The following ELK3 variants were observed in gnomAD, a reference collection of about 807,000 sequenced individuals.
ELK3 encodes the protein ETS domain-containing protein Elk-3.
A neutral mutation model predicts 28.9 loss-of-function variants in ELK3; 10 were observed. That is an observed-to-expected ratio of 0.35 (90% CI 0.21 to 0.59). The LOEUF (loss-of-function observed/expected upper bound fraction) is 0.59, where lower values mean the gene tolerates loss of function less well. Ranked by LOEUF, ELK3 falls within the 20% of genes least tolerant of loss-of-function variation. The probability of loss-of-function intolerance (pLI) is 0.82; values close to 1 mark genes in which losing one functional copy is unlikely to be tolerated. For synonymous variants in ELK3, 272 were observed against 243.5 expected (o/e 1.12, Z -1.09); for missense variants, 463 against 517.3 (o/e 0.90, Z 1.02).
chr12:96,243,183 C>G (rs1951833024), intron 2 of ELK3, among the ~76,000 whole-genome samples: 1 of 152,182 alleles, frequency 6.6e-6, no homozygotes, highest in African/African-American at 2.4e-5. Flanking sequence ...AATTCACATA[C>G]CATACAATTC....
chr12:96,203,093 G>A (rs903635761), intron 1 of ELK3, among the ~76,000 whole-genome samples: 7 of 151,890 alleles, frequency 4.6e-5, no homozygotes, highest in African/African-American at 1.7e-4. Flanking sequence ...ATGCTGGCCA[G>A]GCTGGTCTCG....
intron 3 of ELK3, among the ~76,000 whole-genome samples, chr12:96,258,143 G>T (rs1377093533): frequency 2.6e-5 from 4 of 152,216 alleles, no homozygotes; most frequent in African/African-American, 9.7e-5. Flanking sequence ...TACCTGGCTG[G>T]GAAGTAGTGG....
At chr12:96,250,151 C>T (rs914215577) in intron 3 of ELK3, among the ~76,000 whole-genome samples, 1 of 152,176 alleles carries the variant, frequency 6.6e-6, no homozygotes, top group East Asian at 1.9e-4. Flanking sequence ...CTAAACCACG[C>T]AAAACTAAGG....
At chr12:96,218,559 G>A (rs1349052697) in intron 1 of ELK3, among the ~76,000 whole-genome samples, 1 of 151,736 alleles carries the variant, frequency 6.6e-6, no homozygotes, top group Non-Finnish European at 1.5e-5. Flanking sequence ...CCCAATCCCC[G>A]CCATTATGCA....
At chr12:96,211,368 G>A (rs1375785584) in intron 1 of ELK3, among the ~76,000 whole-genome samples, 3 of 152,052 alleles carry the variant, frequency 2.0e-5, no homozygotes, top group African/African-American at 7.2e-5. Context: ...TATAAATCCT[G>A]GTGAAATTAT....
intron 2 of ELK3, among the ~76,000 whole-genome samples, chr12:96,246,610 A>G (rs954195218): frequency 6.6e-6 from 1 of 152,188 alleles, no homozygotes; most frequent in African/African-American, 2.4e-5. Flanking sequence ...GCAGTGAGCC[A>G]TGTTCGTGCC....
rs1555193134 is a variant in ELK3, at chr12:96,211,487, T to TGTGTGTG, written c.-2-12078_-2-12077insGTGTGTG. On this transcript the variant is annotated intron_variant, in intron 1 of 4. Coordinates refer to ENST00000228741, the MANE Select transcript of ELK3 (RefSeq NM_005230.4). ...CTGCCCTGGGGATGTCATTGTGTGT[T>TGTGTGTG]TGTGTGTGTGTGTGTGTGTGTGTGT... Among the ~76,000 whole-genome samples the TGTGTGTG allele has an allele frequency of 4.8e-3, 261 of 54,494 alleles. 1 individual carries two copies. The highest frequency in any genetic ancestry group is 0.011 in the Middle Eastern group (1 of 90). 35.8% of individuals were successfully genotyped at this position (54,494 alleles called of 152,430 possible). A position where few individuals can be genotyped will look rare whatever the true frequency, so the allele number is the denominator to read the frequency against.
At chr12:96,216,298 A>AG (rs1388392526) in intron 1 of ELK3, among the ~76,000 whole-genome samples, 2 of 152,220 alleles carry the variant, frequency 1.3e-5, no homozygotes, top group African/African-American at 4.8e-5. Context: ...AGAGAGCCCC[A>AG]GGGACCCTCT....
At position 96,251,777 on chromosome 12, in the gene ELK3, G is replaced by A. The variant is rs1951908834; in HGVS notation, c.1002+4043G>A. On this transcript the variant is annotated intron_variant, in intron 3 of 4. Transcript: ENST00000228741. ...GAATGCTGAGAGAGGCGAAGAAGCT[G>A]CAGAAGAAAAGTGTGAAGCTAGCAG... Among the ~76,000 whole-genome samples, 3 of 152,226 alleles carry A rather than the reference G, an allele frequency of 2.0e-5. No homozygotes were observed. In the South Asian group the frequency reaches 6.2e-4, roughly 31 times the overall value.
chr12:96,236,618 G>A (rs1010355734), intron 2 of ELK3, among the ~76,000 whole-genome samples: 1 of 152,138 alleles, frequency 6.6e-6, no homozygotes, highest in African/African-American at 2.4e-5. Flanking sequence ...TCCAAAGTTC[G>A]GCTTTGCACA....
chr12:96,248,582 C>T (rs968762541), intron 3 of ELK3, among the ~76,000 whole-genome samples: 8 of 152,104 alleles, frequency 5.3e-5, no homozygotes, highest in South Asian at 2.1e-4. Flanking sequence ...GGACTGTGGG[C>T]GGTTGCTCTC....
intron 2 of ELK3, among the ~76,000 whole-genome samples, chr12:96,235,846 T>C (rs1178788388): frequency 6.6e-6 from 1 of 152,158 alleles, no homozygotes; most frequent in East Asian, 1.9e-4. Flanking sequence ...ATTAATTATT[T>C]TTAGATGGAG....
chr12:96,208,678 G>GC (rs1951555085), intron 1 of ELK3, among the ~76,000 whole-genome samples: 1 of 152,226 alleles, frequency 6.6e-6, no homozygotes. Flanking sequence ...CCTCCAAGGA[G>GC]CCTATGAGAT....
chr12:96,244,720 A>G (rs987877119), intron 2 of ELK3, among the ~76,000 whole-genome samples: 1 of 152,212 alleles, frequency 6.6e-6, no homozygotes, highest in Admixed American at 6.5e-5. Flanking sequence ...CGAAGGAAGC[A>G]TTAACACACC....
At chr12:96,196,934 G>A (rs1565774952) in intron 1 of ELK3, among the ~76,000 whole-genome samples, 1 of 151,980 alleles carries the variant, frequency 6.6e-6, no homozygotes, top group African/African-American at 2.4e-5. Context: ...CAGCCCGACC[G>A]GGGTATGAGT....
intron 2 of ELK3, among the ~76,000 whole-genome samples, chr12:96,227,199 G>A (rs571299061): frequency 7.9e-5 from 12 of 151,948 alleles, no homozygotes; most frequent in African/African-American, 1.7e-4. Context: ...TCAGTGTCAC[G>A]TACAGCTCGG....
chr12:96,244,465 T>G (rs987486050), intron 2 of ELK3, among the ~76,000 whole-genome samples: 3 of 149,026 alleles, frequency 2.0e-5, no homozygotes, highest in African/African-American at 2.5e-5. Flanking sequence ...TTTTTTTTTT[T>G]GGGAAAGAAG....
intron 3 of ELK3, among the ~76,000 whole-genome samples, chr12:96,249,848 G>T (rs549823600): frequency 1.6e-5 from 2 of 122,576 alleles, no homozygotes; most frequent in South Asian, 5.3e-4. Context: ...GGATGCAGAG[G>T]GCACGACCAG....
intron 4 of ELK3, among the ~76,000 whole-genome samples, chr12:96,266,459 T>G (rs1416555249): frequency 6.6e-6 from 1 of 152,186 alleles, no homozygotes; most frequent in Non-Finnish European, 1.5e-5. Flanking sequence ...TCCTACTATA[T>G]TTATCATCTT....
Sources: gnomAD v4.1 joint callset for allele counts (sites outside exome capture counted in the v4.1 genomes callset) on GRCh38, gnomAD v4.1.1 for gene constraint, MANE v1.5 for transcripts, NCBI Gene and HGNC (gene_info 2026-07-23, HGNC 2026-07-21) for gene names.